LETMD1: variants seen among roughly 807,000 people sequenced by gnomAD.
LETMD1 encodes LETM1 domain-containing protein 1.
In LETMD1, 30 loss-of-function variants were observed where a neutral mutation model predicts 43.9. The observed-to-expected ratio is 0.68, with a 90% CI of 0.51 to 0.93. The LOEUF (loss-of-function observed/expected upper bound fraction) is 0.93. Ranked by LOEUF, LETMD1 falls within the 40% of genes least tolerant of loss-of-function variation. The pLI is 0.00. For synonymous variants in LETMD1, 176 were observed against 163.1 expected (o/e 1.08, Z -0.60); for missense variants, 413 against 447.7 (o/e 0.92, Z 0.70).
the LETMD1 span, among the ~76,000 whole-genome samples, chr12:51,065,895 GAGTT>G: frequency 1.3e-5 from 2 of 152,152 alleles, no homozygotes; most frequent in African/African-American, 2.4e-5. Context: ...AAGAAAGAGT[GAGTT>G]AGGAGAAATC....
Position 51,059,439 on chromosome 12 carries a change from A to G in LETMD1, c.*8A>G, listed in dbSNP as rs1243502976. On this transcript the variant is annotated 3_prime_UTR_variant, in exon 9 of 9. Coordinates refer to ENST00000262055, the MANE Select transcript of LETMD1 (RefSeq NM_015416.5). ...CTTGGGACAAGGCGCTGAATGAACC[A>G]TGGAGCGGATGGCATTGTCCTGCAG... 1.9e-6 allele frequency: 3 copies of G among 1,612,710 alleles called. No homozygotes were observed. Among genetic ancestry groups the G allele is most frequent in the East Asian group, 4.5e-5 (2 of 44,894 alleles).
downstream of LETMD1, chr12:51,064,222 G>T (rs542279562): frequency 1.2e-6 from 2 of 1,613,854 alleles, no homozygotes; most frequent in African/African-American, 1.3e-5. Flanking sequence ...GAGCCTGGGG[G>T]CAGCTGAGCC....
Position 51,056,032 on chromosome 12 carries a change from A to G in LETMD1, c.660+11A>G. 6.2e-7 allele frequency: 1 copy of G among 1,612,848 alleles called. No individual in the cohort carries two copies. The highest frequency in any genetic ancestry group is 8.5e-7 in the Non-Finnish European group (1 of 1,179,142). On this transcript the variant is annotated intron_variant, in intron 5 of 8. Coordinates refer to ENST00000262055, the MANE Select transcript of LETMD1 (RefSeq NM_015416.5). ...GATCTGTGCACCAAGGTATTCCTGC[A>G]GTTAACCCTTCCTACAAATGTGGAA... is the stretch of plus-strand genomic sequence containing the variant.
chr12:51,052,051 TG>T, intron 2 of LETMD1, 40 bp from the exon 3 acceptor site: 1 of 1,571,906 alleles, frequency 6.4e-7, no homozygotes. Context: ...AGATTTAAAC[TG>T]GGATAACATC....
At chr12:51,067,094 G>C in the LETMD1 span, among the ~76,000 whole-genome samples, 1 of 152,072 alleles carries the variant, frequency 6.6e-6, no homozygotes, top group Non-Finnish European at 1.5e-5. The surrounding 1 kb of genome is among the most constrained non-coding windows in gnomAD (Gnocchi z 4.1). Context: ...GCCTCCCAAA[G>C]TGCTGGGATT....
chr12:51,063,899 C>T (rs772413394), downstream of LETMD1: 2 of 1,614,050 alleles, frequency 1.2e-6, no homozygotes, highest in African/African-American at 2.7e-5. Flanking sequence ...CATTTTCAGG[C>T]TCCTCAGGGT....
chr12:51,060,777 C>T (rs1948790285), downstream of LETMD1, among the ~76,000 whole-genome samples: 1 of 151,870 alleles, frequency 6.6e-6, no homozygotes, highest in Non-Finnish European at 1.5e-5. Flanking sequence ...TGGTGGGCGC[C>T]TGTAGTCCCA....
At chr12:51,059,026 G>T in intron 8 of LETMD1, 1 of 332,770 alleles carries the variant, frequency 3.0e-6, no homozygotes, top group Non-Finnish European at 5.8e-6. Context: ...GGATGTTAGG[G>T]TAGGCCTACT....
chr12:51,049,126 A>G lies in LETMD1; in HGVS notation c.215A>G (p.His72Arg), dbSNP rs372702071. The change falls in exon 2 of 9, where the codon CAT becomes CGT. Residue 72 changes from histidine (H) to arginine (R), a missense_variant. Transcript: ENST00000262055. ...ACAAAAGCGATTAATGGGAAATACCATCGTTTCTTGGGTCGTCATTTCCCC... is the reference window on the plus strand; with the variant it reads ...ACAAAAGCGATTAATGGGAAATACCGTCGTTTCTTGGGTCGTCATTTCCCC... ...TKTKAINGKY[H>R]RFLGRHFPRF... 2.2e-5 allele frequency: 35 copies of G among 1,613,896 alleles called. No individual in the cohort carries two copies. In the South Asian group the frequency reaches 2.9e-4, roughly 13 times the overall value.
chr12:51,059,581 A>C lies in LETMD1; in HGVS notation c.*150A>C, dbSNP rs1483119326. ...GGCCATGGGCTTCACAGCATGGCAC[A>C]CATGTGGGAACTGCAGACATTCCTC... On this transcript the variant is annotated 3_prime_UTR_variant, in exon 9 of 9. Coordinates refer to ENST00000262055, the MANE Select transcript of LETMD1 (RefSeq NM_015416.5). The C allele has an allele frequency of 2.9e-6, 2 of 696,444 alleles. No individual in the cohort carries two copies. The highest frequency in any genetic ancestry group is 3.5e-5 in the African/African-American group (2 of 56,968). 43.1% of individuals were successfully genotyped at this position (696,444 alleles called of 1,614,324 possible).
the LETMD1 span, among the ~76,000 whole-genome samples, chr12:51,067,400 G>A: frequency 6.6e-6 from 1 of 152,022 alleles, no homozygotes; most frequent in Non-Finnish European, 1.5e-5. This position sits in a 1 kb window ranked among gnomAD's most constrained non-coding sequence, Gnocchi z 4.1. Context: ...GGCGTGCACT[G>A]GTGTGAACTC....
downstream of LETMD1, chr12:51,062,563 A>AGTT (rs1280118470): frequency 1.3e-5 from 2 of 152,198 alleles, no homozygotes; most frequent in African/African-American, 4.8e-5. Flanking sequence ...GGAATCTGGG[A>AGTT]GTTGCATGTA....
At chr12:51,055,542 G>A (rs796176010) in intron 4 of LETMD1, among the ~76,000 whole-genome samples, 51 of 152,032 alleles carry the variant, frequency 3.4e-4, no homozygotes, top group African/African-American at 1.1e-3. Flanking sequence ...GCCTGTGCCT[G>A]TAGTCCCAGC....
At chr12:51,048,584 C>T (rs1276939409) in intron 1 of LETMD1, 106 bp downstream of exon 1, 1 of 1,436,372 alleles carries the variant, frequency 7.0e-7, no homozygotes, top group East Asian at 2.3e-5. Flanking sequence ...ACGCCTTGGC[C>T]CTGGAATTTT....
chr12:51,058,960 G>GT (rs1948503731), intron 8 of LETMD1: 1 of 262,390 alleles, frequency 3.8e-6, no homozygotes, highest in Admixed American at 4.7e-5. Flanking sequence ...CTGAGGGTAT[G>GT]TATTAGGCTT....
At chr12:51,054,108 T>A (rs1036227457) in intron 4 of LETMD1, among the ~76,000 whole-genome samples, 4 of 152,032 alleles carry the variant, frequency 2.6e-5, no homozygotes, top group Admixed American at 2.0e-4. Context: ...TCATGTGAAA[T>A]AAGATAGTGA....
At chr12:51,056,052 G>C (rs1947609202) in intron 5 of LETMD1, 31 bp downstream of exon 5, 1 of 1,610,022 alleles carries the variant, frequency 6.2e-7, no homozygotes, top group East Asian at 2.2e-5. Flanking sequence ...TCCTACAAAT[G>C]TGGAATCTTG....
intron 2 of LETMD1, among the ~76,000 whole-genome samples, chr12:51,050,020 C>G (rs1157490210): frequency 6.6e-6 from 1 of 152,168 alleles, no homozygotes; most frequent in Non-Finnish European, 1.5e-5. Context: ...CTATAATATG[C>G]TCTATGCTTT....
Position 51,053,847 on chromosome 12 carries a change from GTCT to G in LETMD1, c.465_467del (p.Phe155del). 1 of 1,608,978 alleles carries G rather than the reference GTCT, an allele frequency of 6.2e-7. No individual in the cohort carries two copies. The highest frequency in any genetic ancestry group is 1.1e-5 in the South Asian group (1 of 90,822). On this transcript the variant is annotated inframe_deletion, in exon 4 of 9. Coordinates refer to ENST00000262055, the MANE Select transcript of LETMD1 (RefSeq NM_015416.5). ...CATTCCACCTTTTGCCAACTACCTG[GTCT>G]TCTTGCTAATGTGAGTACAGACTTC...
Sources: allele counts gnomAD v4.1 joint callset (sites outside exome capture counted in the v4.1 genomes callset), GRCh38; gene constraint gnomAD v4.1.1; non-coding constraint Gnocchi (gnomAD v3.1); transcripts MANE v1.5; gene names NCBI Gene and HGNC (gene_info 2026-07-23, HGNC 2026-07-21).